Variants in CYP27B1 observed in about 807,000 individuals in gnomAD.
The protein encoded by CYP27B1 is cytochrome P450 family 27 subfamily B member 1, also known as 25-hydroxyvitamin D-1 alpha hydroxylase, mitochondrial.
In CYP27B1, 46 loss-of-function variants were observed where a neutral mutation model predicts 54.8. The observed-to-expected ratio is 0.84, with a 90% CI of 0.66 to 1.07. CYP27B1 has a LOEUF of 1.07. Among genes scored for constraint, CYP27B1 ranks in the 50% least tolerant of loss-of-function variants. CYP27B1 has a pLI of 0.00. For missense variants in CYP27B1, 674 were observed against 692.2 expected, an observed-to-expected ratio of 0.97 and a Z score of 0.30; for synonymous variants, 292 against 297.3, an observed-to-expected ratio of 0.98 and a Z score of 0.18.
chr12:57,764,832 G>T lies in CYP27B1; in HGVS notation c.885C>A (p.His295Gln). ...KDLESGAHLT[H>Q]FLFREELPAQ... ...CAGGCAACTCTTCCCGGAACAGGAAGTGGGTCAGGTGCGCCCCAGACTCCA... is the reference window on the plus strand; with the variant it reads ...CAGGCAACTCTTCCCGGAACAGGAATTGGGTCAGGTGCGCCCCAGACTCCA... Residue 295 changes from histidine (H) to glutamine (Q), a missense_variant, in exon 5 of 9, where the codon CAC becomes CAA. Coordinates refer to ENST00000228606, the MANE Select transcript of CYP27B1 (RefSeq NM_000785.4). 1 of 1,614,190 alleles carries T rather than the reference G, an allele frequency of 6.2e-7. No homozygotes were observed. Among genetic ancestry groups the T allele is most frequent in the South Asian group, 1.1e-5 (1 of 91,086 alleles).
chr12:57,764,438 G>A lies in CYP27B1; in HGVS notation c.1076C>T (p.Pro359Leu). The A allele has an allele frequency of 6.2e-7, 1 of 1,614,232 alleles. No homozygotes were observed. The highest frequency in any genetic ancestry group is 8.5e-7 in the Non-Finnish European group (1 of 1,180,044). Reference sequence around the variant, plus strand: ...CAGCTGGGACAGAACAGTGGCTGAGGGGTAGGCACTGGAGCCAGGGCTCAG... The same window carrying A: ...CAGCTGGGACAGAACAGTGGCTGAGAGGTAGGCACTGGAGCCAGGGCTCAG... ...AALSPGSSAYPSATVLSQLPL... is the reference protein window; with the variant it reads ...AALSPGSSAYLSATVLSQLPL... The change falls in exon 6 of 9, where the codon CCC becomes CTC. Residue 359 changes from proline (P) to leucine (L), a missense_variant. Physicochemically the swap from Pro to Leu is moderately conservative, Grantham distance 98. Coordinates refer to ENST00000228606, the MANE Select transcript of CYP27B1 (RefSeq NM_000785.4).
Position 57,766,131 on chromosome 12 carries a change from C to G in CYP27B1, c.262G>C (p.Val88Leu). The change falls in exon 2 of 9, where the codon GTG becomes CTG. Residue 88 changes from valine to leucine, a missense_variant. Physicochemically the swap from Val to Leu is conservative, Grantham distance 32. Coordinates refer to ENST00000228606, the MANE Select transcript of CYP27B1 (RefSeq NM_000785.4). The part of the protein sequence containing the change: ...ASFGTVRTVY[V>L]AAPALVEELL... ...TCCTCGACGAGTGCAGGGGCAGCCACGTACACGGTGCGCACTGTCCCAAAG... is the reference window on the plus strand; with the variant it reads ...TCCTCGACGAGTGCAGGGGCAGCCAGGTACACGGTGCGCACTGTCCCAAAG... 6.5e-7 allele frequency: 1 copy of G among 1,546,312 alleles called. No homozygotes were observed.
intron 5 of CYP27B1, 75 bp downstream of exon 5, chr12:57,764,679 C>A: frequency 1.2e-6 from 2 of 1,605,542 alleles, no homozygotes; most frequent in Non-Finnish European, 1.7e-6. Context: ...GGATCCCCTG[C>A]AACAGAAAAA....
Position 57,764,743 on chromosome 12 carries a change from G to A in CYP27B1, c.963+11C>T. ...CTGGAACCGGCTCACAGCACGGAGG[G>A]AGAACCTCACCGTGTCCACTCCCGC... On this transcript the variant is annotated intron_variant, in intron 5 of 8. Transcript: ENST00000228606. 1 of 1,614,078 alleles carries A rather than the reference G, an allele frequency of 6.2e-7. No homozygotes were observed. Among genetic ancestry groups the A allele is most frequent in the Middle Eastern group, 1.6e-4 (1 of 6,062 alleles).
chr12:57,767,070 A>AG lies in CYP27B1; in HGVS notation c.-30dup, dbSNP rs763650706. On this transcript the variant is annotated 5_prime_UTR_variant, in exon 1 of 9. Transcript: ENST00000228606. Reference sequence around the variant, plus strand: ...CTGGTTCAGGGTGCTCGCGAAAGAAAGCGCTTCTCCTGAGCATCATATCTC... The same window carrying AG: ...CTGGTTCAGGGTGCTCGCGAAAGAAAGGCGCTTCTCCTGAGCATCATATCTC... 6.2e-7 allele frequency: 1 copy of AG among 1,607,724 alleles called. No homozygotes were observed. The highest frequency in any genetic ancestry group is 1.3e-5 in the African/African-American group (1 of 74,868).
chr12:57,766,010 G>C lies in CYP27B1; in HGVS notation c.383C>G (p.Thr128Ser). 1 of 1,569,526 alleles carries C rather than the reference G, an allele frequency of 6.4e-7. No homozygotes were observed. The highest frequency in any genetic ancestry group is 8.6e-7 in the Non-Finnish European group (1 of 1,162,578). ...RCRQRACGLL[T>S]AEGEEWQRLR... ...TCTGGGGGCAGAGAAGACTCACGCA[G>C]TGAGCAGTCCGCAAGCCCGCTGGCG... The change falls in exon 2 of 9, where the codon ACT (threonine) becomes AGT (serine). Residue 128 changes from threonine to serine, a missense_variant. Coordinates refer to ENST00000228606, the MANE Select transcript of CYP27B1 (RefSeq NM_000785.4).
rs1460877039 is a variant in CYP27B1, at chr12:57,765,693, G to T, written c.387-194C>A. 2 of 857,512 alleles carry T rather than the reference G, an allele frequency of 2.3e-6. No individual in the cohort carries two copies. The highest frequency in any genetic ancestry group is 3.8e-6 in the Non-Finnish European group (2 of 524,560). 53.1% of individuals were successfully genotyped at this position (857,512 alleles called of 1,614,324 possible). A position where few individuals can be genotyped will look rare whatever the true frequency, so the allele number is the denominator to read the frequency against. On this transcript the variant is annotated intron_variant, in intron 2 of 8. Transcript: ENST00000228606. This position sits in a 1 kb window ranked among gnomAD's most constrained non-coding sequence, Gnocchi z 5.8. ...CTTTACTCATTTCCTGCCCTCAGGG[G>T]CCGGGGTTCCCGGGTAACTTGAGTC...
At position 57,766,172 on chromosome 12, in the gene CYP27B1, G is replaced by A; in HGVS notation, c.221C>T (p.Pro74Leu). The change falls in exon 2 of 9, where the codon CCG becomes CTG. Residue 74 changes from proline (P) to leucine (L), a missense_variant. Transcript: ENST00000228606. ...LQVQGAAHFG[P>L]VWLASFGTVR... Reference sequence around the variant, plus strand: ...TGTCCCAAAGCTGGCTAGCCACACCGGCCCGAAGTGCGCGGCGCCCTGCAC... The same window carrying A: ...TGTCCCAAAGCTGGCTAGCCACACCAGCCCGAAGTGCGCGGCGCCCTGCAC... 6 of 1,543,760 alleles carry A rather than the reference G, an allele frequency of 3.9e-6. No individual in the cohort carries two copies. The highest frequency in any genetic ancestry group is 3.6e-5 in the South Asian group (3 of 84,102).
chr12:57,764,730 C>G, intron 5 of CYP27B1, 24 bp downstream of exon 5: 1 of 1,614,046 alleles, frequency 6.2e-7, no homozygotes, highest in Non-Finnish European at 8.5e-7. Flanking sequence ...GGAACCGGCT[C>G]ACAGCACGGA....
rs769487954 is a variant in CYP27B1 at position 57,766,961 on chromosome 12, G to A, written c.81C>T (p.Tyr27=). The A allele has an allele frequency of 7.4e-6, 12 of 1,614,104 alleles. No individual in the cohort carries two copies. The highest frequency in any genetic ancestry group is 1.7e-5 in the Admixed American group (1 of 60,010). Residue 27 remains tyrosine, a synonymous_variant, in exon 1 of 9, where the codon TAC becomes TAT. Transcript: ENST00000228606. ...WAPELGASLG[Y]REYHSARRSL... Reference sequence around the variant, plus strand: ...TCCGGCGTGCTGAGTGGTACTCTCGGTAGCCTAGGGAGGCGCCCAACTCGG... The same window carrying A: ...TCCGGCGTGCTGAGTGGTACTCTCGATAGCCTAGGGAGGCGCCCAACTCGG...
In CYP27B1 at chr12:57,763,666, C is replaced by A. The variant is rs759208930; in HGVS notation, c.1358G>T (p.Arg453Leu). 1.2e-6 allele frequency: 2 copies of A among 1,613,922 alleles called. No homozygotes were observed. Among genetic ancestry groups the A allele is most frequent in the African/African-American group, 1.3e-5 (1 of 74,936 alleles). ...FASLPFGFGK[R>L]SCMGRRLAEL... The stretch of plus-strand genomic sequence containing the variant: ...TGCCAGGCGTCTCCCCATACAGCTG[C>A]GCTTGCCAAAGCCAAAGGGAAGAGA... The change falls in exon 8 of 9, where the codon CGC becomes CTC. Residue 453 changes from arginine to leucine, a missense_variant. Physicochemically the swap from Arg to Leu is moderately radical, Grantham distance 102. Transcript: ENST00000228606.
In CYP27B1 at chr12:57,763,695, A is replaced by G; in HGVS notation, c.1329T>C (p.Phe443=). The G allele has an allele frequency of 1.2e-6, 2 of 1,601,778 alleles. No homozygotes were observed. Among genetic ancestry groups the G allele is most frequent in the Non-Finnish European group, 1.7e-6 (2 of 1,168,822 alleles). ...TGCCAAAGCCAAAGGGAAGAGATGC[A>G]AATGGGTGGGGGGTGGGACCCTCCC... is the stretch of plus-strand genomic sequence containing the variant. ...WLGEGPTPHP[F]ASLPFGFGKR... Residue 443 remains phenylalanine, a synonymous_variant, in exon 8 of 9, where the codon TTT becomes TTC. Coordinates refer to ENST00000228606, the MANE Select transcript of CYP27B1 (RefSeq NM_000785.4).
At chr12:57,766,633 G>A (rs1251959728) in intron 1 of CYP27B1, 2 of 620,762 alleles carry the variant, frequency 3.2e-6, no homozygotes, top group Non-Finnish European at 5.7e-6. Context: ...AGGACAGCGA[G>A]AAGGCGCTTT....
rs1955355577 is a variant in CYP27B1, at chr12:57,765,825, G to A, written c.386+182C>T. 6 of 1,206,042 alleles carry A rather than the reference G, an allele frequency of 5.0e-6. No homozygotes were observed. In the South Asian group the frequency reaches 9.5e-5, roughly 19 times the overall value. 74.7% of individuals were successfully genotyped at this position (1,206,042 alleles called of 1,614,324 possible). ...CTCAAAGGATAAGGAGGTAGGCGGG[G>A]AGTGAGGTTGGGGCTCAACCTGAGT... On this transcript the variant is annotated intron_variant, in intron 2 of 8. Transcript: ENST00000228606. This position sits in a 1 kb window ranked among gnomAD's most constrained non-coding sequence, Gnocchi z 5.8.
At position 57,765,493 on chromosome 12, in the gene CYP27B1, G is replaced by C. The variant is rs1332514649; in HGVS notation, c.393C>G (p.Gly131=). ...QRACGLLTAE[G]EEWQRLRSLL... ...GACTGCGGAGCCTTTGCCATTCTTC[G>C]CCTTCCCTGCAGGGTTGAGGAGAGA... Residue 131 remains glycine, a synonymous_variant, in exon 3 of 9, where the codon GGC becomes GGG. Transcript: ENST00000228606. This position sits in a 1 kb window ranked among gnomAD's most constrained non-coding sequence, Gnocchi z 5.8. 6.2e-7 allele frequency: 1 copy of C among 1,610,060 alleles called. No individual in the cohort carries two copies. The highest frequency in any genetic ancestry group is 8.5e-7 in the Non-Finnish European group (1 of 1,178,580).
At position 57,762,896 on chromosome 12, in the gene CYP27B1, G is replaced by C. The variant is rs1955329747; in HGVS notation, c.*246C>G. 1 of 490,246 alleles carries C rather than the reference G, an allele frequency of 2.0e-6. No individual in the cohort carries two copies. The highest frequency in any genetic ancestry group is 3.8e-6 in the Non-Finnish European group (1 of 266,306). 30.4% of individuals were successfully genotyped at this position (490,246 alleles called of 1,614,324 possible). On this transcript the variant is annotated 3_prime_UTR_variant, in exon 9 of 9. Coordinates refer to ENST00000228606, the MANE Select transcript of CYP27B1 (RefSeq NM_000785.4). The stretch of plus-strand genomic sequence containing the variant: ...TTAAAATCTGATTTCATCCTTGGGG[G>C]ATGCATACATGATCAGAAGGGCCAA...
Position 57,764,406 on chromosome 12 carries a change from G to T in CYP27B1, c.1108C>A (p.Leu370Met), listed in dbSNP as rs753298199. ...AGCACTTCCTTGACCACCGCCTTCA[G>T]CAGGGGCAGCTGGGACAGAACAGTG... ...SATVLSQLPL[L>M]KAVVKEVLRL... The change falls in exon 6 of 9, where the codon CTG becomes ATG. Residue 370 changes from leucine (L) to methionine (M), a missense_variant. Coordinates refer to ENST00000228606, the MANE Select transcript of CYP27B1 (RefSeq NM_000785.4). The T allele has an allele frequency of 1.7e-5, 27 of 1,614,050 alleles. No homozygotes were observed. Among genetic ancestry groups the T allele is most frequent in the Non-Finnish European group, 2.3e-5 (27 of 1,180,048 alleles).
In CYP27B1 at chr12:57,763,059, T is replaced by G. The variant is rs929673104; in HGVS notation, c.*83A>C. 1 of 950,258 alleles carries G rather than the reference T, an allele frequency of 1.1e-6. No individual in the cohort carries two copies. The highest frequency in any genetic ancestry group is 1.6e-5 in the African/African-American group (1 of 61,808). The allele number at this position is 950,258 out of a possible 1,614,324, so 58.9% of individuals were successfully genotyped here. The stretch of plus-strand genomic sequence containing the variant: ...TGGTCAGATAGGCATTAGGGGAAGA[T>G]GTATACCTTGGTCTTGTGCCTACAA... On this transcript the variant is annotated 3_prime_UTR_variant, in exon 9 of 9. Coordinates refer to ENST00000228606, the MANE Select transcript of CYP27B1 (RefSeq NM_000785.4).
rs147119803 is a variant in CYP27B1 at position 57,763,066 on chromosome 12, C to T, written c.*76G>A. The stretch of plus-strand genomic sequence containing the variant: ...ATAGGCATTAGGGGAAGATGTATAC[C>T]TTGGTCTTGTGCCTACAAAAAATCT... On this transcript the variant is annotated 3_prime_UTR_variant, in exon 9 of 9. Coordinates refer to ENST00000228606, the MANE Select transcript of CYP27B1 (RefSeq NM_000785.4). 1.1e-4 allele frequency: 111 copies of T among 1,031,282 alleles called. No individual in the cohort carries two copies. The East Asian group carries it at 2.7e-3, about 25-fold the overall frequency. The allele number at this position is 1,031,282 out of a possible 1,614,324, so 63.9% of individuals were successfully genotyped here.
Sources: allele counts gnomAD v4.1 joint callset, GRCh38; gene constraint gnomAD v4.1.1; non-coding constraint Gnocchi (gnomAD v3.1); transcripts MANE v1.5; gene names NCBI Gene and HGNC (gene_info 2026-07-23, HGNC 2026-07-21).